The following MIPOL1 variants were observed in gnomAD, a reference collection of about 807,000 sequenced individuals.
The protein encoded by MIPOL1 is mirror-image polydactyly 1.
MIPOL1 carries 57 observed loss-of-function variants against 60.9 expected under a neutral mutation model. That is an observed-to-expected ratio of 0.94 (90% confidence interval 0.76 to 1.17). The LOEUF (loss-of-function observed/expected upper bound fraction) is 1.17, where lower values mean the gene tolerates loss of function less well. Ranked by LOEUF, MIPOL1 falls within the 50% of genes most tolerant of loss-of-function variation. MIPOL1 has a pLI of 0.00. For missense variants in MIPOL1, 551 were observed against 511.6 expected, an observed-to-expected ratio of 1.08 and a Z score of -0.74; for synonymous variants, 179 against 168.8, an observed-to-expected ratio of 1.06 and a Z score of -0.47.
intron 3 of MIPOL1, among the ~76,000 whole-genome samples, chr14:37,259,504 C>T (rs553889153): frequency 1.3e-5 from 2 of 151,956 alleles, no homozygotes; most frequent in East Asian, 3.9e-4. Flanking sequence ...AAGGTTGAGG[C>T]TGTAGTGAGC....
At chr14:37,411,879 A>G (rs1030405284) in intron 10 of MIPOL1, among the ~76,000 whole-genome samples, 1 of 152,164 alleles carries the variant, frequency 6.6e-6, no homozygotes, top group Non-Finnish European at 1.5e-5. Context: ...GTTACTTCAT[A>G]ATAATATCAC....
chr14:37,284,511 T>C (rs2084384841), intron 6 of MIPOL1, among the ~76,000 whole-genome samples: 1 of 151,510 alleles, frequency 6.6e-6, no homozygotes, highest in African/African-American at 2.4e-5. Flanking sequence ...GCCTGGCTAA[T>C]TTTTTGTATT....
chr14:37,469,030 G>A (rs1261260074), intron 11 of MIPOL1, among the ~76,000 whole-genome samples: 1 of 152,146 alleles, frequency 6.6e-6, no homozygotes, highest in Admixed American at 6.6e-5. Flanking sequence ...CCATCAAAGT[G>A]TTTTAATCCA....
chr14:37,318,487 A>G (rs935716181), intron 9 of MIPOL1, among the ~76,000 whole-genome samples: 3 of 152,116 alleles, frequency 2.0e-5, no homozygotes, highest in Non-Finnish European at 2.9e-5. Context: ...TTGCTTTCCT[A>G]TCATACAATT....
At chr14:37,388,485 T>G (rs1293674734) in intron 10 of MIPOL1, among the ~76,000 whole-genome samples, 10 of 149,012 alleles carry the variant, frequency 6.7e-5, no homozygotes, top group Admixed American at 1.3e-4. Flanking sequence ...GTTTTTTTTG[T>G]GTTTTTTTTT....
chr14:37,520,005 T>C (rs2095401221), intron 12 of MIPOL1, among the ~76,000 whole-genome samples: 1 of 152,166 alleles, frequency 6.6e-6, no homozygotes, highest in African/African-American at 2.4e-5. Context: ...TGTAGATCAA[T>C]CATCATATCT....
At chr14:37,365,420 G>T (rs1317476577) in intron 9 of MIPOL1, among the ~76,000 whole-genome samples, 1 of 152,068 alleles carries the variant, frequency 6.6e-6, no homozygotes, top group African/African-American at 2.4e-5. Context: ...ATCATGAAGG[G>T]ATGTTAAATT....
chr14:37,313,170 T>C (rs1055479437), intron 9 of MIPOL1, among the ~76,000 whole-genome samples: 1 of 152,138 alleles, frequency 6.6e-6, no homozygotes, highest in Admixed American at 6.6e-5. Flanking sequence ...TATTCAAATA[T>C]TTATCAGTAA....
intron 11 of MIPOL1, among the ~76,000 whole-genome samples, chr14:37,477,257 G>A (rs757151664): frequency 1.9e-4 from 29 of 151,718 alleles, no homozygotes; most frequent in Admixed American, 2.6e-4. Flanking sequence ...ATTAGATGGC[G>A]TTTCCTCTGC....
intron 1 of MIPOL1, among the ~76,000 whole-genome samples, chr14:37,220,025 G>A (rs1282161836): frequency 6.6e-6 from 1 of 152,010 alleles, no homozygotes; most frequent in Non-Finnish European, 1.5e-5. Context: ...GACATCGTTA[G>A]GAAAGGGTAG....
chr14:37,338,683 A>G (rs2153460553), intron 9 of MIPOL1, among the ~76,000 whole-genome samples: 1 of 152,268 alleles, frequency 6.6e-6, no homozygotes, highest in South Asian at 2.1e-4. Context: ...TGCTGGAATT[A>G]CAGATGTGAG....
In MIPOL1 at chr14:37,244,104, C is replaced by CTTTTTTTTTTTTTTTTTTTTTTTTTTT. The variant is rs143933758; in HGVS notation, c.-198-2993_-198-2967dup. Among the ~76,000 whole-genome samples, 2 of 51,588 alleles carry CTTTTTTTTTTTTTTTTTTTTTTTTTTT rather than the reference C, an allele frequency of 3.9e-5. 1 individual carries two copies. The highest frequency in any genetic ancestry group is 6.8e-5 in the Non-Finnish European group (2 of 29,552). 33.8% of individuals were successfully genotyped at this position (51,588 alleles called of 152,430 possible). On this transcript the variant is annotated intron_variant, in intron 1 of 12. Coordinates refer to ENST00000684589, the MANE Select transcript of MIPOL1 (RefSeq NM_001388067.1). ...TTTTCTTCCATGTAAGACTCACTTC[C>CTTTTTTTTTTTTTTTTTTTTTTTTTTT]TTTTTTTTTTTTTTTTTTTTTTTTT...
chr14:37,226,767 G>A (rs2153296157), intron 1 of MIPOL1, among the ~76,000 whole-genome samples: 1 of 152,214 alleles, frequency 6.6e-6, no homozygotes, highest in East Asian at 1.9e-4. Context: ...TTGCACTACT[G>A]CACACCAGCC....
At chr14:37,371,418 A>AGTTTTCTC (rs2092635322) in intron 10 of MIPOL1, among the ~76,000 whole-genome samples, 1 of 152,198 alleles carries the variant, frequency 6.6e-6, no homozygotes. Flanking sequence ...AATTTAAAAC[A>AGTTTTCTC]ATGTAGCTAT....
chr14:37,417,199 A>G (rs2093785372), intron 10 of MIPOL1, among the ~76,000 whole-genome samples: 2 of 152,064 alleles, frequency 1.3e-5, no homozygotes, highest in Admixed American at 6.5e-5. Flanking sequence ...TCTGGCATAC[A>G]TCTCTCTCCC....
chr14:37,387,147 A>G (rs918230122), intron 10 of MIPOL1, among the ~76,000 whole-genome samples: 1 of 151,942 alleles, frequency 6.6e-6, no homozygotes, highest in Non-Finnish European at 1.5e-5. Flanking sequence ...ATATATGACA[A>G]TGTGTATTAC....
intron 12 of MIPOL1, among the ~76,000 whole-genome samples, chr14:37,535,013 A>G (rs1305596750): frequency 6.6e-6 from 1 of 152,214 alleles, no homozygotes; most frequent in East Asian, 1.9e-4. Context: ...AAATTACTTT[A>G]GTGATACTAT....
rs1308439682 is a variant in MIPOL1, at chr14:37,484,680, GT to G, written c.1032-15221del. Reference sequence around the variant, plus strand: ...TCCACAGGTCCCTGAAGTTGTGATAGTTTTTTTCAGTCTATGTCTCAGTTAT... The same window carrying G: ...TCCACAGGTCCCTGAAGTTGTGATAGTTTTTTCAGTCTATGTCTCAGTTAT... On this transcript the variant is annotated intron_variant, in intron 11 of 12. Transcript: ENST00000684589. Among the ~76,000 whole-genome samples the G allele has an allele frequency of 2.6e-5, 4 of 152,080 alleles. No individual in the cohort carries two copies. The East Asian group carries it at 7.7e-4, about 29-fold the overall frequency.
At chr14:37,467,447 T>C (rs1265637653) in intron 11 of MIPOL1, among the ~76,000 whole-genome samples, 2 of 152,196 alleles carry the variant, frequency 1.3e-5, no homozygotes, top group Non-Finnish European at 2.9e-5. Context: ...TTTTTATAAC[T>C]CCCTGTCTAT....
Sources: allele counts gnomAD v4.1 joint callset (sites outside exome capture counted in the v4.1 genomes callset), GRCh38; gene constraint gnomAD v4.1.1; transcripts MANE v1.5; gene names NCBI Gene and HGNC (gene_info 2026-07-23, HGNC 2026-07-21).